HOGA1: variants seen among roughly 807,000 people sequenced by gnomAD.
HOGA1 encodes 4-hydroxy-2-oxoglutarate aldolase 1.
In HOGA1, 30 loss-of-function variants were observed where a neutral mutation model predicts 34.3. The observed-to-expected ratio is 0.87, with a 90% confidence interval of 0.65 to 1.19. The LOEUF is 1.19. Among genes scored for constraint, HOGA1 ranks in the 50% most tolerant of loss-of-function variants. The probability of loss-of-function intolerance (pLI) is 0.00; values close to 1 mark genes in which losing one functional copy is unlikely to be tolerated. For synonymous variants in HOGA1, 161 were observed against 174.0 expected (o/e 0.93, Z 0.59); for missense variants, 417 against 436.5 (o/e 0.96, Z 0.40).
chr10:97,592,501 A>C (rs2041034785), intron 1 of HOGA1, among the ~76,000 whole-genome samples: 5 of 151,806 alleles, frequency 3.3e-5, no homozygotes, highest in Admixed American at 3.3e-4. Flanking sequence ...CGGCCTCCCA[A>C]AGTGCTGAGA....
At chr10:97,609,254 A>C (rs886885744) in intron 6 of HOGA1, among the ~76,000 whole-genome samples, 7 of 152,118 alleles carry the variant, frequency 4.6e-5, no homozygotes, top group African/African-American at 1.7e-4. Flanking sequence ...CGGGACAGGA[A>C]ACGGAGCGGC....
chr10:97,597,107 A>G (rs1007100320), intron 1 of HOGA1, among the ~76,000 whole-genome samples: 1 of 139,190 alleles, frequency 7.2e-6, no homozygotes, highest in Admixed American at 7.3e-5. Context: ...ATAGCCTCCA[A>G]TTTTTTTTTT....
rs949737614 is a variant in HOGA1 at position 97,612,220 on chromosome 10, G to A, written c.*561G>A. ...TCACCGTGTTGGCCAGGCTGGTCTTGAACTCCTGACCTCAGGTGATCCAAC... is the reference window on the plus strand; with the variant it reads ...TCACCGTGTTGGCCAGGCTGGTCTTAAACTCCTGACCTCAGGTGATCCAAC... On this transcript the variant is annotated 3_prime_UTR_variant, in exon 7 of 7. Transcript: ENST00000370646. 3.3e-5 allele frequency: 5 copies of A among 153,456 alleles called. No individual in the cohort carries two copies. The highest frequency in any genetic ancestry group is 2.6e-4 in the Admixed American group (4 of 15,472). The allele number at this position is 153,456 out of a possible 1,614,324, so 9.5% of individuals were successfully genotyped here.
rs988511446 is a variant in HOGA1, at chr10:97,610,958, C to A, written c.835-552C>A. On this transcript the variant is annotated intron_variant, in intron 6 of 6. Transcript: ENST00000370646. ...ATAAGTAAATGACATACAGTTTATACAACAAAACTTCCTTGGGAAATGATG... is the reference window on the plus strand; with the variant it reads ...ATAAGTAAATGACATACAGTTTATAAAACAAAACTTCCTTGGGAAATGATG... 3.9e-5 allele frequency among the ~76,000 whole-genome samples: 6 copies of A among 152,168 alleles called. No individual in the cohort carries two copies. The South Asian group carries it at 1.0e-3, about 26-fold the overall frequency.
At chr10:97,591,496 C>T (rs2041022220) in intron 1 of HOGA1, among the ~76,000 whole-genome samples, 1 of 152,252 alleles carries the variant, frequency 6.6e-6, no homozygotes, top group African/African-American at 2.4e-5. Context: ...CATAGGTAAA[C>T]GTGTGCCATG....
At position 97,590,417 on chromosome 10, in the gene HOGA1, G is replaced by A. The variant is rs756094416; in HGVS notation, c.211+5503G>A. The A allele has an allele frequency of 1.7e-5, 27 of 1,614,006 alleles. No individual in the cohort carries two copies. The Admixed American group carries it at 2.0e-4, about 12-fold the overall frequency. Reference sequence around the variant, plus strand: ...GGAGGAGCTGAGGGCCCTCGAGGAGGTAGAGATGAAGCTGCAAAAGAATTT... The same window carrying A: ...GGAGGAGCTGAGGGCCCTCGAGGAGATAGAGATGAAGCTGCAAAAGAATTT... On this transcript the variant is annotated intron_variant, in intron 1 of 6. Coordinates refer to ENST00000370646, the MANE Select transcript of HOGA1 (RefSeq NM_138413.4).
At position 97,584,928 on chromosome 10, in the gene HOGA1, T is replaced by C; in HGVS notation, c.211+14T>C. 6.2e-7 allele frequency: 1 copy of C among 1,611,002 alleles called. No individual in the cohort carries two copies. Among genetic ancestry groups the C allele is most frequent in the South Asian group, 1.1e-5 (1 of 90,962 alleles). ...TCCCCTTCCGAGGTAAGTGGGGCTG[T>C]CCTCTGTGGGACCTGGGGAGATGTG... On this transcript the variant is annotated intron_variant, in intron 1 of 6. Transcript: ENST00000370646.
chr10:97,590,921 T>C, intron 1 of HOGA1: 2 of 276,176 alleles, frequency 7.2e-6, no homozygotes, highest in South Asian at 1.5e-4. Flanking sequence ...CCAATAAAGC[T>C]TTGTGTGCCT....
intron 1 of HOGA1, chr10:97,590,812 C>A (rs576705974): frequency 6.8e-6 from 4 of 591,798 alleles, no homozygotes; most frequent in African/African-American, 5.6e-5. Context: ...GAGGACACAG[C>A]GCAGGTGAGA....
rs762875071 is a variant in HOGA1, at chr10:97,601,868, G to A, written c.712G>A (p.Gly238Ser). Residue 238 changes from glycine to serine, a missense_variant, in exon 6 of 7, where the codon GGC becomes AGC. Transcript: ENST00000370646. ...CTTACTTCGTGCAGGAGCTGTGGGG[G>A]GCGTCTGCGCCCTGGCCAATGTCCT... ...MASYALGAVG[G>S]VCALANVLGA... The A allele has an allele frequency of 3.7e-6, 6 of 1,612,374 alleles. No homozygotes were observed. The South Asian group carries it at 6.6e-5, about 18-fold the overall frequency.
At position 97,598,672 on chromosome 10, in the gene HOGA1, G is replaced by A; in HGVS notation, c.212-103G>A. 4.2e-6 allele frequency: 6 copies of A among 1,440,336 alleles called. No homozygotes were observed. The South Asian group carries it at 6.9e-5, about 17-fold the overall frequency. 89.2% of individuals were successfully genotyped at this position (1,440,336 alleles called of 1,614,324 possible). The stretch of plus-strand genomic sequence containing the variant: ...GGGAACCTTCTGTCTGCAAAGATGG[G>A]AAGGAAATGTGTGAAAGATTATGGT... On this transcript the variant is annotated intron_variant, in intron 1 of 6. Transcript: ENST00000370646.
intron 1 of HOGA1, among the ~76,000 whole-genome samples, chr10:97,594,090 A>C (rs1418806886): frequency 6.6e-6 from 1 of 151,278 alleles, no homozygotes; most frequent in Non-Finnish European, 1.5e-5. Flanking sequence ...GCTGGTCTCG[A>C]ACTCCTGACC....
rs2297644 is a variant in HOGA1 at position 97,599,982 on chromosome 10, T to C, written c.604-85T>C. The C allele has an allele frequency of 0.16, 231,074 of 1,485,160 alleles. 19,382 individuals carry two copies. The highest frequency in any genetic ancestry group is 0.17 in the Non-Finnish European group (179,572 of 1,062,514). 92.0% of individuals were successfully genotyped at this position (1,485,160 alleles called of 1,614,324 possible). A position where few individuals can be genotyped will look rare whatever the true frequency, so the allele number is the denominator to read the frequency against. On this transcript the variant is annotated intron_variant, in intron 4 of 6. Coordinates refer to ENST00000370646, the MANE Select transcript of HOGA1 (RefSeq NM_138413.4). ...TTCTTGAGGGCATCTCTTTGAGCAC[T>C]GGGCTTTCATTCCACCACACTTACC...
chr10:97,596,708 CA>C (rs34186645), intron 1 of HOGA1, among the ~76,000 whole-genome samples: 21,063 of 89,252 alleles, frequency 0.24, 1,478 homozygotes, highest in East Asian at 0.3. Flanking sequence ...AAATAACTAC[CA>C]AAAAAAAAAA....
intron 1 of HOGA1, among the ~76,000 whole-genome samples, chr10:97,591,436 A>G (rs138899176): frequency 5.1e-4 from 78 of 152,060 alleles, no homozygotes; most frequent in African/African-American, 1.8e-3. Flanking sequence ...AATTTAATTT[A>G]ATTTAATTTT....
chr10:97,589,102 A>G (rs1036916349), intron 1 of HOGA1, among the ~76,000 whole-genome samples: 1 of 151,940 alleles, frequency 6.6e-6, no homozygotes, highest in Non-Finnish European at 1.5e-5. Flanking sequence ...AGGGATCTAG[A>G]CCCGATGAAG....
chr10:97,609,604 A>G (rs1589913190), intron 6 of HOGA1, among the ~76,000 whole-genome samples: 2 of 151,902 alleles, frequency 1.3e-5, no homozygotes, highest in East Asian at 1.9e-4. Flanking sequence ...GTCAAACACA[A>G]TGTCCTTCCT....
chr10:97,606,430 T>C lies in HOGA1; in HGVS notation c.834+4440T>C, dbSNP rs561066016. ...ATTTTGAGTTAATTTTTATATAAAG[T>C]GTAAGACTTAGGTCAAGGTTTTGTG... On this transcript the variant is annotated intron_variant, in intron 6 of 6. Transcript: ENST00000370646. Among the ~76,000 whole-genome samples, 14 of 152,364 alleles carry C rather than the reference T, an allele frequency of 9.2e-5. No homozygotes were observed. The South Asian group carries it at 2.7e-3, about 29-fold the overall frequency.
rs770264657 is a variant in HOGA1 at position 97,612,506 on chromosome 10, G to A, written c.*847G>A. 3 of 152,214 alleles carry A rather than the reference G, an allele frequency of 2.0e-5. No individual in the cohort carries two copies. The highest frequency in any genetic ancestry group is 4.4e-5 in the Non-Finnish European group (3 of 68,078). The allele number at this position is 152,214 out of a possible 1,614,324, so 9.4% of individuals were successfully genotyped here. A position where few individuals can be genotyped will look rare whatever the true frequency, so the allele number is the denominator to read the frequency against. Reference sequence around the variant, plus strand: ...CCCATCCCTGCCCTCCACACTGCAAGCTGCATTCCAGCCACAACGCCCTTT... The same window carrying A: ...CCCATCCCTGCCCTCCACACTGCAAACTGCATTCCAGCCACAACGCCCTTT... On this transcript the variant is annotated 3_prime_UTR_variant, in exon 7 of 7. Transcript: ENST00000370646.
Sources: allele counts gnomAD v4.1 joint callset (sites outside exome capture counted in the v4.1 genomes callset), GRCh38; gene constraint gnomAD v4.1.1; transcripts MANE v1.5; gene names NCBI Gene and HGNC (gene_info 2026-07-23, HGNC 2026-07-21).